SOX6: variants seen among roughly 807,000 people sequenced by gnomAD.
SOX6 encodes SRY-box transcription factor 6.
Under a neutral mutation model 97.8 loss-of-function variants are expected in SOX6, and 11 were observed. The observed-to-expected ratio is 0.11, with a 90% CI of 0.07 to 0.19. The LOEUF is 0.19. SOX6 is among the 10% of genes least tolerant of loss of function. The pLI, the probability that SOX6 is intolerant of heterozygous loss-of-function variation, is 1.00. For synonymous variants in SOX6, 360 were observed against 371.4 expected, an observed-to-expected ratio of 0.97 and a Z score of 0.35; for missense variants, 810 against 1,039.5, an observed-to-expected ratio of 0.78 and a Z score of 3.04.
chr11:16,192,708 T>C (rs887097726), intron 4 of SOX6, among the ~76,000 whole-genome samples: 1 of 152,028 alleles, frequency 6.6e-6, no homozygotes, highest in African/African-American at 2.4e-5. Flanking sequence ...TAAAATGAGA[T>C]AAATAAGGCA....
At chr11:16,001,917 G>C (rs1012539592) in intron 13 of SOX6, among the ~76,000 whole-genome samples, 1 of 152,130 alleles carries the variant, frequency 6.6e-6, no homozygotes, top group Non-Finnish European at 1.5e-5. Flanking sequence ...CCTAAGGTCA[G>C]CTCTGAGGAA....
At chr11:16,000,790 T>C (rs1854383757) in intron 13 of SOX6, among the ~76,000 whole-genome samples, 1 of 152,142 alleles carries the variant, frequency 6.6e-6, no homozygotes, top group African/African-American at 2.4e-5. Context: ...CCTAGTTATA[T>C]ATAATGTACA....
chr11:16,136,254 G>A (rs534572353), intron 6 of SOX6, among the ~76,000 whole-genome samples: 21 of 151,544 alleles, frequency 1.4e-4, no homozygotes, highest in South Asian at 6.2e-4. Flanking sequence ...TCCTGACCTC[G>A]TCATCCACCC....
At chr11:16,241,865 T>C (rs781221851) in intron 3 of SOX6, among the ~76,000 whole-genome samples, 17 of 152,122 alleles carry the variant, frequency 1.1e-4, no homozygotes, top group Non-Finnish European at 1.8e-4. Context: ...GCAGTAAGAA[T>C]GGATACAGAA....
chr11:16,620,483 G>T (rs1447049240), intron 3 of SOX6, among the ~76,000 whole-genome samples: 1 of 152,096 alleles, frequency 6.6e-6, no homozygotes, highest in Non-Finnish European at 1.5e-5. Flanking sequence ...ACATTATGTT[G>T]CCCTGGTTGG....
At chr11:16,306,343 A>T (rs906043428) in intron 3 of SOX6, among the ~76,000 whole-genome samples, 1 of 152,242 alleles carries the variant, frequency 6.6e-6, no homozygotes, top group Non-Finnish European at 1.5e-5. Flanking sequence ...ATTATAATTT[A>T]TTGATAAATG....
intron 4 of SOX6, among the ~76,000 whole-genome samples, chr11:16,194,057 G>C (rs1187774946): frequency 6.6e-6 from 1 of 152,116 alleles, no homozygotes; most frequent in African/African-American, 2.4e-5. Context: ...AAAATAAACA[G>C]GGTAAGCTGA....
rs562321339 is a variant in SOX6 at position 16,356,347 on chromosome 11, A to C, written c.-258T>G. Among the ~76,000 whole-genome samples the C allele has an allele frequency of 1.3e-5, 2 of 152,260 alleles. No homozygotes were observed. The highest frequency in any genetic ancestry group is 3.9e-4 in the East Asian group (2 of 5,184). On this transcript the variant is annotated 5_prime_UTR_variant, in exon 1 of 16. An upstream open reading frame in the 5' UTR gains an earlier in-frame stop. Coordinates refer to ENST00000683767, the MANE Select transcript of SOX6 (RefSeq NM_001367873.1). ...ACACTGTTAACTTTGTTCAACAATTAAAGGAGTTAAAAACATAAAAGTAAA... is the reference window on the plus strand; with the variant it reads ...ACACTGTTAACTTTGTTCAACAATTCAAGGAGTTAAAAACATAAAAGTAAA...
At chr11:16,009,913 A>G (rs543517199) in intron 13 of SOX6, among the ~76,000 whole-genome samples, 146 of 152,124 alleles carry the variant, frequency 9.6e-4, no homozygotes, top group Non-Finnish European at 1.7e-3. Context: ...ATAAGGATCT[A>G]GGGAGGGTAG....
rs771684271 is a variant in SOX6, at chr11:16,046,707, T to A, written c.1436-6A>T. 2 of 1,612,728 alleles carry A rather than the reference T, an allele frequency of 1.2e-6. No homozygotes were observed. Among genetic ancestry groups the A allele is most frequent in the Non-Finnish European group, 1.7e-6 (2 of 1,179,520 alleles). ...GTTGAGACTAGATAGGATATCTGCA[T>A]ACACAGGATGCATTATTAGATGCTT... On this transcript the variant is annotated splice_polypyrimidine_tract_variant and splice_region_variant and intron_variant, in intron 11 of 15. Transcript: ENST00000683767.
At chr11:15,987,380 G>A (rs1853888508) in intron 14 of SOX6, among the ~76,000 whole-genome samples, 1 of 152,130 alleles carries the variant, frequency 6.6e-6, no homozygotes, top group Non-Finnish European at 1.5e-5. Context: ...TTGTGTAGAA[G>A]GCCTAAGCAG....
chr11:16,630,514 G>A (rs79978788), intron 3 of SOX6, among the ~76,000 whole-genome samples: 5,149 of 151,716 alleles, frequency 0.034, 122 homozygotes, highest in Non-Finnish European at 0.056. Flanking sequence ...TCAAGCATGT[G>A]GTTGATCTTG....
rs576000923 is a variant in SOX6 at position 16,388,088 on chromosome 11, C to T, written c.-4-46836G>A. On this transcript the variant is annotated intron_variant, in intron 1 of 15. Transcript: ENST00000396356. The stretch of plus-strand genomic sequence containing the variant: ...TTAGTTGTAGGTTTTTCCTAGCCAT[C>T]CTTTTCAGATAAAAATAGTTTTATT... Among the ~76,000 whole-genome samples the T allele has an allele frequency of 4.6e-5, 7 of 152,154 alleles. No individual in the cohort carries two copies. The South Asian group carries it at 1.5e-3, about 32-fold the overall frequency.
At chr11:16,410,977 A>G (rs561724250) in intron 1 of SOX6, among the ~76,000 whole-genome samples, 1 of 150,294 alleles carries the variant, frequency 6.7e-6, no homozygotes, top group Non-Finnish European at 1.5e-5. Flanking sequence ...GGAGATAGTG[A>G]GTGACTGAAA....
intron 4 of SOX6, among the ~76,000 whole-genome samples, chr11:16,500,779 A>C (rs943368005): frequency 3.3e-5 from 5 of 152,202 alleles, no homozygotes; most frequent in Non-Finnish European, 5.9e-5. Context: ...ATCAAGGAGA[A>C]CCACAATCCA....
intron 1 of SOX6, among the ~76,000 whole-genome samples, chr11:16,455,086 C>G (rs1250303074): frequency 1.3e-5 from 2 of 151,958 alleles, no homozygotes; most frequent in Non-Finnish European, 2.9e-5. Flanking sequence ...TAATTTCCCA[C>G]TTGAAGATTT....
At chr11:16,091,137 A>T (rs1325381288) in intron 9 of SOX6, among the ~76,000 whole-genome samples, 2 of 152,024 alleles carry the variant, frequency 1.3e-5, no homozygotes, top group Non-Finnish European at 1.5e-5. Flanking sequence ...CCTAGTTGTA[A>T]TGGTCCTCCC....
intron 2 of SOX6, among the ~76,000 whole-genome samples, chr11:16,728,088 T>G (rs1007025584): frequency 2.0e-5 from 3 of 152,142 alleles, no homozygotes; most frequent in East Asian, 3.9e-4. Context: ...GCAGCCCCAG[T>G]GAGGGGCTTA....
chr11:16,272,032 ATGAAG>A (rs1274763798), intron 3 of SOX6, among the ~76,000 whole-genome samples: 1 of 151,420 alleles, frequency 6.6e-6, no homozygotes, highest in Non-Finnish European at 1.5e-5. Flanking sequence ...AAATTTCAAA[ATGAAG>A]TGTTTTCTTC....
Sources: gnomAD v4.1 joint callset for allele counts (sites outside exome capture counted in the v4.1 genomes callset) on GRCh38, gnomAD v4.1.1 for gene constraint, MANE v1.5 for transcripts, NCBI Gene and HGNC (gene_info 2026-07-23, HGNC 2026-07-21) for gene names.